Variants in NXPH1 observed in about 807,000 individuals in gnomAD.
NXPH1 encodes neurexophilin 1, also known as neurexophilin-1.
A neutral mutation model predicts 23.7 loss-of-function variants in NXPH1; 5 were observed. The observed-to-expected ratio is 0.21, with a 90% CI of 0.11 to 0.44. NXPH1 has a LOEUF of 0.44. NXPH1 is among the 20% of genes least tolerant of loss of function. NXPH1 has a pLI of 0.99. For synonymous variants in NXPH1, 144 were observed against 122.2 expected (o/e 1.18, Z -1.18); for missense variants, 324 against 321.6 (o/e 1.01, Z -0.06).
intron 2 of NXPH1, among the ~76,000 whole-genome samples, chr7:8,530,640 G>A (rs141865976): frequency 1.3e-5 from 2 of 152,206 alleles, no homozygotes; most frequent in South Asian, 4.1e-4. Context: ...TTGCCTGGAG[G>A]GGCATGAGGG....
At chr7:8,557,402 T>C (rs1818375033) in intron 2 of NXPH1, among the ~76,000 whole-genome samples, 1 of 151,640 alleles carries the variant, frequency 6.6e-6, no homozygotes, top group Admixed American at 6.6e-5. Flanking sequence ...GAAGGAGGCT[T>C]CCATGGTATA....
intron 2 of NXPH1, among the ~76,000 whole-genome samples, chr7:8,469,109 G>A (rs563477364): frequency 6.6e-6 from 1 of 152,038 alleles, no homozygotes; most frequent in South Asian, 2.1e-4. Flanking sequence ...ATATTAAAAT[G>A]TAGAAAAAGG....
At chr7:8,565,691 G>T (rs192405321) in intron 2 of NXPH1, among the ~76,000 whole-genome samples, 13 of 151,400 alleles carry the variant, frequency 8.6e-5, no homozygotes, top group Non-Finnish European at 1.8e-4. Flanking sequence ...TTATTTTTTT[G>T]GGTGTTTCAC....
intron 2 of NXPH1, among the ~76,000 whole-genome samples, chr7:8,662,849 T>C (rs1820699117): frequency 6.6e-6 from 1 of 152,110 alleles, no homozygotes; most frequent in Non-Finnish European, 1.5e-5. Context: ...TATTTTAAAA[T>C]ACGTGTCATT....
intron 2 of NXPH1, among the ~76,000 whole-genome samples, chr7:8,625,538 T>C (rs990221372): frequency 2.6e-5 from 4 of 152,146 alleles, no homozygotes; most frequent in African/African-American, 9.7e-5. Flanking sequence ...CTAAAAGAAA[T>C]GCTGTGGAAC....
chr7:8,665,116 T>A (rs1441679828), intron 2 of NXPH1, among the ~76,000 whole-genome samples: 2 of 152,058 alleles, frequency 1.3e-5, no homozygotes, highest in African/African-American at 4.8e-5. Context: ...TTTTGGAGAT[T>A]TCCCCTATGT....
At chr7:8,597,054 G>A (rs1054444106) in intron 2 of NXPH1, among the ~76,000 whole-genome samples, 7 of 152,042 alleles carry the variant, frequency 4.6e-5, no homozygotes, top group Admixed American at 2.0e-4. Context: ...CCTTCCAGGT[G>A]GGCAAAGTGG....
At chr7:8,718,839 G>T (rs1358673233) in intron 2 of NXPH1, among the ~76,000 whole-genome samples, 4 of 152,000 alleles carry the variant, frequency 2.6e-5, no homozygotes, top group African/African-American at 9.7e-5. Flanking sequence ...CACCCTTTTT[G>T]TATCACATCC....
chr7:8,509,815 A>G (rs1817584926), intron 2 of NXPH1, among the ~76,000 whole-genome samples: 1 of 152,158 alleles, frequency 6.6e-6, no homozygotes, highest in South Asian at 2.1e-4. Flanking sequence ...AAAATGTCTC[A>G]TCAATGCCTT....
intron 2 of NXPH1, among the ~76,000 whole-genome samples, chr7:8,452,813 C>T (rs527647569): frequency 6.6e-6 from 1 of 152,052 alleles, no homozygotes; most frequent in South Asian, 2.1e-4. Flanking sequence ...TGAGGTGGTC[C>T]TGGGGATTGA....
intron 2 of NXPH1, among the ~76,000 whole-genome samples, chr7:8,733,092 T>A (rs766273461): frequency 6.6e-6 from 1 of 152,076 alleles, no homozygotes; most frequent in Non-Finnish European, 1.5e-5. Context: ...TGTGTTCTCA[T>A]TGTTCGACTC....
At chr7:8,748,889 C>T (rs1780517543) in intron 2 of NXPH1, among the ~76,000 whole-genome samples, 1 of 152,180 alleles carries the variant, frequency 6.6e-6, no homozygotes, top group African/African-American at 2.4e-5. Flanking sequence ...GGTATTCTTT[C>T]TGTGGTGAGA....
chr7:8,446,436 CCTGT>C (rs1345557075), intron 2 of NXPH1, among the ~76,000 whole-genome samples: 1 of 152,010 alleles, frequency 6.6e-6, no homozygotes, highest in Non-Finnish European at 1.5e-5. Flanking sequence ...AAGAAAAAGG[CCTGT>C]CTAACATTGC....
At chr7:8,472,713 A>G (rs1298570294) in intron 2 of NXPH1, among the ~76,000 whole-genome samples, 1 of 152,164 alleles carries the variant, frequency 6.6e-6, no homozygotes, top group East Asian at 1.9e-4. Flanking sequence ...GTTGGTTTCA[A>G]ATTCTCCTTC....
At chr7:8,620,511 G>C (rs1819844094) in intron 2 of NXPH1, among the ~76,000 whole-genome samples, 1 of 152,164 alleles carries the variant, frequency 6.6e-6, no homozygotes, top group African/African-American at 2.4e-5. Flanking sequence ...TTGGGCAAAA[G>C]AATATTGCTA....
intron 2 of NXPH1, among the ~76,000 whole-genome samples, chr7:8,740,050 TCA>T (rs933779985): frequency 1.3e-5 from 2 of 152,176 alleles, no homozygotes; most frequent in African/African-American, 4.8e-5. Flanking sequence ...AATTCCCACT[TCA>T]GTTTGTTTGG....
At chr7:8,689,570 T>C (rs1030013168) in intron 2 of NXPH1, among the ~76,000 whole-genome samples, 2 of 152,172 alleles carry the variant, frequency 1.3e-5, no homozygotes, top group African/African-American at 4.8e-5. Context: ...GAGTGCCTTC[T>C]GGAACGGAGG....
chr7:8,705,365 G>A (rs1408031714), intron 2 of NXPH1, among the ~76,000 whole-genome samples: 1 of 152,172 alleles, frequency 6.6e-6, no homozygotes, highest in African/African-American at 2.4e-5. Flanking sequence ...TTCATGAAGT[G>A]AAAGTTTTTC....
intron 2 of NXPH1, among the ~76,000 whole-genome samples, chr7:8,437,436 G>C (rs1369350331): frequency 6.6e-6 from 1 of 152,100 alleles, no homozygotes; most frequent in Non-Finnish European, 1.5e-5. Context: ...CTTGACCATC[G>C]TAACCCGCTT....
Sources: allele counts gnomAD v4.1 joint callset (sites outside exome capture counted in the v4.1 genomes callset), GRCh38; gene constraint gnomAD v4.1.1; transcripts MANE v1.5; gene names NCBI Gene and HGNC (gene_info 2026-07-23, HGNC 2026-07-21).